SLC22A16: variants seen among roughly 807,000 people sequenced by gnomAD.
The protein encoded by SLC22A16 is WUGSC:RG331P03.1.
A neutral mutation model predicts 52.9 loss-of-function variants in SLC22A16; 53 were observed. The ratio of observed to expected loss-of-function variants is 1.00; its 90% CI spans 0.80 to 1.26. The LOEUF is 1.26. Ranked by LOEUF, SLC22A16 falls within the 50% of genes most tolerant of loss-of-function variation. The pLI, the probability that SLC22A16 is intolerant of heterozygous loss-of-function variation, is 0.00. For synonymous variants in SLC22A16, 291 were observed against 268.8 expected, an observed-to-expected ratio of 1.08 and a Z score of -0.81; for missense variants, 726 against 704.0, an observed-to-expected ratio of 1.03 and a Z score of -0.35.
At chr6:110,476,283 C>G in intron 1 of SLC22A16, 2 of 1,280,638 alleles carry the variant, frequency 1.6e-6, no homozygotes, top group South Asian at 1.7e-5. Flanking sequence ...CGGCAACAGG[C>G]GCACTCCGAG....
chr6:110,470,327 C>A (rs979977036), intron 1 of SLC22A16, among the ~76,000 whole-genome samples: 1 of 152,136 alleles, frequency 6.6e-6, no homozygotes, highest in African/African-American at 2.4e-5. Flanking sequence ...TTCAACTCAG[C>A]AAACGACAAC....
At chr6:110,468,667 G>GAGA (rs147010194) in intron 1 of SLC22A16, among the ~76,000 whole-genome samples, 13,844 of 148,832 alleles carry the variant, frequency 0.093, 664 homozygotes, top group Middle Eastern at 0.14. Flanking sequence ...AAACAAAATG[G>GAGA]AGAAGAAGAA....
In SLC22A16 at chr6:110,442,662, C is replaced by T; in HGVS notation, c.765G>A (p.Leu255=). The change falls in exon 4 of 8, where the codon CTG becomes CTA. Residue 255 remains leucine, a synonymous_variant. Coordinates refer to ENST00000368919, the MANE Select transcript of SLC22A16 (RefSeq NM_033125.4). ...HLHSFFAVGT[L]LVALTGYLVR... ...CCAAGTATCCTGTCAAAGCCACCAG[C>T]AGGGTTCCAACTGCAAAAAAGGAAT... The T allele has an allele frequency of 6.2e-7, 1 of 1,614,156 alleles. No homozygotes were observed. Among genetic ancestry groups the T allele is most frequent in the Non-Finnish European group, 8.5e-7 (1 of 1,179,990 alleles).
intron 6 of SLC22A16, among the ~76,000 whole-genome samples, chr6:110,432,235 G>A (rs561386932): frequency 7.9e-5 from 12 of 152,272 alleles, no homozygotes; most frequent in African/African-American, 2.9e-4. Context: ...TGCATGCAGT[G>A]TTAGGGTGTT....
At chr6:110,449,228 C>A (rs574163338) in intron 2 of SLC22A16, among the ~76,000 whole-genome samples, 22 of 152,098 alleles carry the variant, frequency 1.4e-4, no homozygotes, top group Admixed American at 1.4e-3. Flanking sequence ...TCGTTAGACC[C>A]CTGCTGTCCT....
rs145601305 is a variant in SLC22A16, at chr6:110,446,983, G to A, written c.541C>T (p.Arg181Cys). The A allele has an allele frequency of 7.2e-5, 116 of 1,611,916 alleles. No homozygotes were observed. Among genetic ancestry groups the A allele is most frequent in the Middle Eastern group, 1.6e-4 (1 of 6,062 alleles). ...TFGYFSDRLG[R>C]RVVLWATSSS... ...CTTGTGGCCCACAAGACCACCCGGC[G>A]TCCTAGCCTGAAAAATAAGAGTCAC... The change falls in exon 3 of 8, where the codon CGC becomes TGC. Residue 181 changes from arginine to cysteine, a missense_variant. Arg to Cys is a radical substitution (Grantham distance 180). Coordinates refer to ENST00000368919, the MANE Select transcript of SLC22A16 (RefSeq NM_033125.4).
chr6:110,460,344 G>T (rs948629251), intron 1 of SLC22A16, among the ~76,000 whole-genome samples: 1 of 152,128 alleles, frequency 6.6e-6, no homozygotes, highest in Non-Finnish European at 1.5e-5. Flanking sequence ...AATTAAAATG[G>T]AGAAAGAGAG....
chr6:110,431,126 C>T, intron 7 of SLC22A16, 45 bp downstream of exon 7: 1 of 1,500,484 alleles, frequency 6.7e-7, no homozygotes, highest in Non-Finnish European at 9.3e-7. Context: ...CAATTAGAAA[C>T]TGCCTCCGTG....
At chr6:110,465,936 G>A (rs182779886) in intron 1 of SLC22A16, among the ~76,000 whole-genome samples, 8 of 152,116 alleles carry the variant, frequency 5.3e-5, no homozygotes, top group East Asian at 3.9e-4. Context: ...TACACAAATC[G>A]ACACACAAGC....
At chr6:110,463,514 T>TAAAAAA (rs386408237) in intron 1 of SLC22A16, among the ~76,000 whole-genome samples, 9 of 53,258 alleles carry the variant, frequency 1.7e-4, no homozygotes, top group East Asian at 7.1e-4. Flanking sequence ...GTAACAACAG[T>TAAAAAA]AAAAAAAAAA....
chr6:110,442,811 C>A lies in SLC22A16; in HGVS notation c.652-36G>T. The A allele has an allele frequency of 1.9e-6, 3 of 1,582,686 alleles. No individual in the cohort carries two copies. The South Asian group carries it at 3.5e-5, about 19-fold the overall frequency. Reference sequence around the variant, plus strand: ...AATAATAGGGATTTATATTCAAGGTCACATTTATAACTATTGAGGAGTCTG... The same window carrying A: ...AATAATAGGGATTTATATTCAAGGTAACATTTATAACTATTGAGGAGTCTG... On this transcript the variant is annotated intron_variant, in intron 3 of 7. Coordinates refer to ENST00000368919, the MANE Select transcript of SLC22A16 (RefSeq NM_033125.4).
intron 1 of SLC22A16, among the ~76,000 whole-genome samples, chr6:110,470,854 A>G (rs1776236814): frequency 6.6e-6 from 1 of 152,178 alleles, no homozygotes; most frequent in African/African-American, 2.4e-5. Context: ...ACGGATGAAA[A>G]CATTGCCCCA....
At chr6:110,436,596 A>C (rs1280670012) in intron 5 of SLC22A16, among the ~76,000 whole-genome samples, 1 of 152,172 alleles carries the variant, frequency 6.6e-6, no homozygotes, top group East Asian at 1.9e-4. Context: ...ACTGCACTTC[A>C]GCTTGGGTGA....
chr6:110,468,582 G>T (rs1385472525), intron 1 of SLC22A16, among the ~76,000 whole-genome samples: 1 of 149,936 alleles, frequency 6.7e-6, no homozygotes, highest in Non-Finnish European at 1.5e-5. Context: ...GGAGGCGGAG[G>T]TTTCAGTCAG....
chr6:110,463,720 A>T lies in SLC22A16; in HGVS notation c.54-6703T>A, dbSNP rs1014800982. 8.5e-5 allele frequency among the ~76,000 whole-genome samples: 13 copies of T among 152,048 alleles called. No homozygotes were observed. In the East Asian group the frequency reaches 2.5e-3, roughly 29 times the overall value. Reference sequence around the variant, plus strand: ...GACTTTCAATACCATACTGACAGCAATAAGCTGTCAATGATGACAGATCAT... The same window carrying T: ...GACTTTCAATACCATACTGACAGCATTAAGCTGTCAATGATGACAGATCAT... On this transcript the variant is annotated intron_variant, in intron 1 of 7. Coordinates refer to ENST00000368919, the MANE Select transcript of SLC22A16 (RefSeq NM_033125.4).
In SLC22A16 at chr6:110,442,539, G is replaced by C. The variant is rs142910035; in HGVS notation, c.888C>G (p.Leu296=). 9.5e-4 allele frequency: 1,531 copies of C among 1,614,092 alleles called. 16 individuals carry two copies. In the African/African-American group the frequency reaches 0.019, roughly 20 times the overall value. Residue 296 remains leucine, a synonymous_variant, in exon 4 of 8, where the codon CTC becomes CTG. Coordinates refer to ENST00000368919, the MANE Select transcript of SLC22A16 (RefSeq NM_033125.4). ...GTGCTTCTTCATATCGTCCCTCTGA[G>C]AGAAGCCAAAAAGGTGTCTCTGGGA... ...WVLPETPFWL[L]SEGRYEEAQK...
intron 7 of SLC22A16, 47 bp from the exon 8 acceptor site, chr6:110,425,132 C>T (rs762346203): frequency 4.4e-6 from 7 of 1,607,254 alleles, no homozygotes; most frequent in African/African-American, 1.3e-5. Flanking sequence ...AAGAAAGGAA[C>T]GAACCCTTCG....
In SLC22A16 at chr6:110,431,286, A is replaced by G. The variant is rs1340894858; in HGVS notation, c.1422-16T>C. On this transcript the variant is annotated splice_polypyrimidine_tract_variant and intron_variant, in intron 6 of 7. Coordinates refer to ENST00000368919, the MANE Select transcript of SLC22A16 (RefSeq NM_033125.4). The stretch of plus-strand genomic sequence containing the variant: ...AGCCAGCGATCTGGAAACAGAGGAG[A>G]GAGGCTGAGACAAGTAAGGCACAAG... 1.9e-6 allele frequency: 3 copies of G among 1,608,030 alleles called. No homozygotes were observed. Among genetic ancestry groups the G allele is most frequent in the Non-Finnish European group, 2.5e-6 (3 of 1,178,252 alleles).
chr6:110,457,060 C>T (rs2114992261), intron 1 of SLC22A16, 43 bp from the exon 2 acceptor site: 1 of 1,496,330 alleles, frequency 6.7e-7, no homozygotes, highest in Non-Finnish European at 8.9e-7. Context: ...GGTCTATAGG[C>T]TGAAAAAGAA....
Sources: gnomAD v4.1 joint callset for allele counts (sites outside exome capture counted in the v4.1 genomes callset) on GRCh38, gnomAD v4.1.1 for gene constraint, MANE v1.5 for transcripts, NCBI Gene and HGNC (gene_info 2026-07-23, HGNC 2026-07-21) for gene names.